PHACTR2: variants seen among roughly 807,000 people sequenced by gnomAD.
PHACTR2 encodes the protein phosphatase and actin regulator 2.
PHACTR2 carries 30 observed loss-of-function variants against 76.0 expected under a neutral mutation model. That is an observed-to-expected ratio of 0.39 (90% CI 0.30 to 0.54). The LOEUF is 0.54. PHACTR2 is among the 20% of genes least tolerant of loss of function. The pLI is 0.61. For synonymous variants in PHACTR2, 292 were observed against 292.5 expected (o/e 1.00, Z 0.02); for missense variants, 696 against 781.1 (o/e 0.89, Z 1.30).
chr6:143,618,815 TC>T lies in PHACTR2; in HGVS notation c.13+10497del. 1.3e-5 allele frequency among the ~76,000 whole-genome samples: 2 copies of T among 152,060 alleles called. No homozygotes were observed. Among genetic ancestry groups the T allele is most frequent in the African/African-American group, 4.8e-5 (2 of 41,502 alleles). The stretch of plus-strand genomic sequence containing the variant: ...GAGTGTTCTCACTCCTCTCCTCTCC[TC>T]CCCGAAAACTCTCTTCTACCCCTGT... On this transcript the variant is annotated intron_variant, in intron 1 of 11. Coordinates refer to the PHACTR2 transcript ENST00000305766. This position sits in a 1 kb window ranked among gnomAD's most constrained non-coding sequence, Gnocchi z 5.2.
intron 11 of PHACTR2, among the ~76,000 whole-genome samples, chr6:143,802,697 TA>T (rs1240578362): frequency 6.6e-6 from 1 of 150,668 alleles, no homozygotes; most frequent in Non-Finnish European, 1.5e-5. Context: ...GAAGAATTAT[TA>T]GGCCTAAAAC....
chr6:143,811,680 T>A lies in PHACTR2; in HGVS notation c.1922+4547T>A, dbSNP rs1776176324. 6.6e-6 allele frequency among the ~76,000 whole-genome samples: 1 copy of A among 152,210 alleles called. No individual in the cohort carries two copies. The highest frequency in any genetic ancestry group is 6.5e-5 in the Admixed American group (1 of 15,278). On this transcript the variant is annotated intron_variant, in intron 12 of 12. Coordinates refer to ENST00000440869, the MANE Select transcript of PHACTR2 (RefSeq NM_001100164.2). This position sits in a 1 kb window ranked among gnomAD's most constrained non-coding sequence, Gnocchi z 4.1. ...CAGTAAAGCAAATGTTACTGCTATT[T>A]TTCCATTAACTTATGACATCATTCG...
Position 143,558,407 on chromosome 6 carries a change from G to A in PHACTR2, c.217+21200G>A, listed in dbSNP as rs765251612. Among the ~76,000 whole-genome samples the A allele has an allele frequency of 9.2e-5, 14 of 151,880 alleles. No individual in the cohort carries two copies. Among genetic ancestry groups the A allele is most frequent in the Non-Finnish European group, 1.3e-4 (9 of 67,996 alleles). On this transcript the variant is annotated intron_variant, in intron 1 of 11. Transcript: ENST00000367584. The surrounding 1 kb of genome is among the most constrained non-coding windows in gnomAD (Gnocchi z 4.7). Reference sequence around the variant, plus strand: ...TCTCCCTTTCACCTACCTCTTTCCCGTTACTATGTAAACATGTCCTATTTG... The same window carrying A: ...TCTCCCTTTCACCTACCTCTTTCCCATTACTATGTAAACATGTCCTATTTG...
Position 143,667,843 on chromosome 6 carries a change from T to C in PHACTR2, c.14-44173T>C, listed in dbSNP as rs1431285611. ...ATCTACAAACAGAGACAATTTGACT[T>C]CCTGTCTTCCTATTTGAATACGCTT... On this transcript the variant is annotated intron_variant, in intron 1 of 11. Coordinates refer to the PHACTR2 transcript ENST00000305766. Among the ~76,000 whole-genome samples, 3 of 152,236 alleles carry C rather than the reference T, an allele frequency of 2.0e-5. No homozygotes were observed. The East Asian group carries it at 5.8e-4, about 29-fold the overall frequency.
chr6:143,734,477 G>GT (rs1381873898), intron 2 of PHACTR2, among the ~76,000 whole-genome samples: 1 of 152,168 alleles, frequency 6.6e-6, no homozygotes, highest in Non-Finnish European at 1.5e-5. Context: ...GGGGAGTTAG[G>GT]TTTTTCTAGT....
Position 143,688,950 on chromosome 6 carries a change from A to T in PHACTR2, c.46+10741A>T, listed in dbSNP as rs1192992420. On this transcript the variant is annotated intron_variant, in intron 1 of 12. Transcript: ENST00000440869. This position sits in a 1 kb window ranked among gnomAD's most constrained non-coding sequence, Gnocchi z 5.2. ...TGCATAGTATGGCCCTCGAGGCTCT[A>T]CATGAGCCTATATGATCCCTGCCCA... is the stretch of plus-strand genomic sequence containing the variant. Among the ~76,000 whole-genome samples the T allele has an allele frequency of 6.6e-6, 1 of 152,194 alleles. No individual in the cohort carries two copies. The highest frequency in any genetic ancestry group is 2.4e-5 in the African/African-American group (1 of 41,454).
chr6:143,719,827 T>C (rs1778399032), intron 2 of PHACTR2, among the ~76,000 whole-genome samples: 1 of 137,960 alleles, frequency 7.2e-6, no homozygotes, highest in South Asian at 2.5e-4. Context: ...TTTTTTTTTT[T>C]TTTTTGAGAC....
In PHACTR2 at chr6:143,777,109, T is replaced by C. The variant is rs1418575780; in HGVS notation, c.1590-219T>C. ...CCTAGCTAACATCCAGGCCGCTCTG[T>C]TGCTAAAAGGAAAGGAGACTGTGTA... On this transcript the variant is annotated intron_variant, in intron 8 of 12. Transcript: ENST00000440869. This position sits in a 1 kb window ranked among gnomAD's most constrained non-coding sequence, Gnocchi z 4.6. Among the ~76,000 whole-genome samples, 1 of 152,022 alleles carries C rather than the reference T, an allele frequency of 6.6e-6. No individual in the cohort carries two copies. The highest frequency in any genetic ancestry group is 1.9e-4 in the East Asian group (1 of 5,166).
chr6:143,637,345 G>A (rs1776475882), intron 1 of PHACTR2, among the ~76,000 whole-genome samples: 2 of 151,744 alleles, frequency 1.3e-5, no homozygotes, highest in South Asian at 2.1e-4. Flanking sequence ...AGAAAAGGAA[G>A]GAAGGAAGGA....
At chr6:143,622,423 G>T (rs1776170967) in intron 1 of PHACTR2, among the ~76,000 whole-genome samples, 1 of 152,082 alleles carries the variant, frequency 6.6e-6, no homozygotes, top group Non-Finnish European at 1.5e-5. Flanking sequence ...CTCCCCACTG[G>T]CCAGGAAACT....
Position 143,740,158 on chromosome 6 carries a change from T to C in PHACTR2, c.215-8827T>C, listed in dbSNP as rs192367007. ...GTTCATGCCTCCCCTTTTTAGACCG[T>C]ATAGGGTAACTTCCTAACATTGCCA... On this transcript the variant is annotated intron_variant, in intron 2 of 12. Coordinates refer to ENST00000440869, the MANE Select transcript of PHACTR2 (RefSeq NM_001100164.2). 3.9e-4 allele frequency among the ~76,000 whole-genome samples: 59 copies of C among 152,262 alleles called. No homozygotes were observed. In the East Asian group the frequency reaches 8.5e-3, roughly 22 times the overall value.
At position 143,811,907 on chromosome 6, in the gene PHACTR2, G is replaced by C. The variant is rs1437340538; in HGVS notation, c.1922+4774G>C. On this transcript the variant is annotated intron_variant, in intron 12 of 12. Transcript: ENST00000440869. The surrounding 1 kb of genome is among the most constrained non-coding windows in gnomAD (Gnocchi z 4.1). ...AAAGGTGGTGGTACTCTTAGTACCA[G>C]CCTCTCTTGGGGAAAATAAACACCT... Among the ~76,000 whole-genome samples, 2 of 152,166 alleles carry C rather than the reference G, an allele frequency of 1.3e-5. No homozygotes were observed. Among genetic ancestry groups the C allele is most frequent in the African/African-American group, 4.8e-5 (2 of 41,444 alleles).
At position 143,596,312 on chromosome 6, in the gene PHACTR2, C is replaced by A. The variant is rs1051681248; in HGVS notation, c.217+59105C>A. ...TGTTTTCCAAGTTGGGAGCGGCTAACTAAGCGGGTCGTCCTTTCTCAGAAG... is the reference window on the plus strand; with the variant it reads ...TGTTTTCCAAGTTGGGAGCGGCTAAATAAGCGGGTCGTCCTTTCTCAGAAG... On this transcript the variant is annotated intron_variant, in intron 1 of 11. Transcript: ENST00000367584. The surrounding 1 kb of genome is among the most constrained non-coding windows in gnomAD (Gnocchi z 4.6). 1.3e-5 allele frequency among the ~76,000 whole-genome samples: 2 copies of A among 151,942 alleles called. No homozygotes were observed. The highest frequency in any genetic ancestry group is 2.9e-5 in the Non-Finnish European group (2 of 67,996).
At chr6:143,749,635 C>T (rs1269496397) in intron 3 of PHACTR2, among the ~76,000 whole-genome samples, 1 of 152,156 alleles carries the variant, frequency 6.6e-6, no homozygotes, top group Non-Finnish European at 1.5e-5. Context: ...TTCTCTGAAT[C>T]TTTCCCTAGC....
chr6:143,540,344 G>A (rs1211416060), intron 1 of PHACTR2, among the ~76,000 whole-genome samples: 1 of 152,234 alleles, frequency 6.6e-6, no homozygotes, highest in East Asian at 1.9e-4. Context: ...TCAGAGAACA[G>A]CCTCCCTCCA....
chr6:143,649,005 TGTGTGTGTC>T (rs1776709838), intron 1 of PHACTR2, among the ~76,000 whole-genome samples: 3 of 88,658 alleles, frequency 3.4e-5, no homozygotes, highest in African/African-American at 1.6e-4. Context: ...TGTGTGTCTC[TGTGTGTGTC>T]TGTGTGTCTA....
chr6:143,748,009 A>C (rs1409883199), intron 2 of PHACTR2, among the ~76,000 whole-genome samples: 1 of 152,194 alleles, frequency 6.6e-6, no homozygotes, highest in Non-Finnish European at 1.5e-5. Flanking sequence ...TTCCAGAAGA[A>C]GGAAGAATCA....
rs753823393 is a variant in PHACTR2, at chr6:143,570,427, CA to C, written c.217+33221del. Among the ~76,000 whole-genome samples the C allele has an allele frequency of 3.9e-5, 6 of 152,196 alleles. No homozygotes were observed. The highest frequency in any genetic ancestry group is 8.8e-5 in the Non-Finnish European group (6 of 68,038). ...TTAAAATGTGAGATGAGGAGTAACACACTTGCCAGTGACATGGAAGTAAATA... is the reference window on the plus strand; with the variant it reads ...TTAAAATGTGAGATGAGGAGTAACACCTTGCCAGTGACATGGAAGTAAATA... On this transcript the variant is annotated intron_variant, in intron 1 of 11. Transcript: ENST00000367584. The surrounding 1 kb of genome is among the most constrained non-coding windows in gnomAD (Gnocchi z 4.6).
chr6:143,679,121 T>A lies in PHACTR2; in HGVS notation c.46+912T>A, dbSNP rs1299668600. 1.3e-5 allele frequency among the ~76,000 whole-genome samples: 2 copies of A among 152,192 alleles called. No individual in the cohort carries two copies. Among genetic ancestry groups the A allele is most frequent in the Non-Finnish European group, 2.9e-5 (2 of 68,040 alleles). On this transcript the variant is annotated intron_variant, in intron 1 of 12. Coordinates refer to ENST00000440869, the MANE Select transcript of PHACTR2 (RefSeq NM_001100164.2). This position sits in a 1 kb window ranked among gnomAD's most constrained non-coding sequence, Gnocchi z 4.6. ...TTAAATTGTGCAAACATCAACAGGA[T>A]CTTGCTGAAAGGAAATGACAGGGTA...
Sources: allele counts gnomAD v4.1 joint callset (sites outside exome capture counted in the v4.1 genomes callset), GRCh38; gene constraint gnomAD v4.1.1; non-coding constraint Gnocchi (gnomAD v3.1); transcripts MANE v1.5; gene names NCBI Gene and HGNC (gene_info 2026-07-23, HGNC 2026-07-21).